The following NTM variants were observed in gnomAD, a reference collection of about 807,000 sequenced individuals.
NTM encodes neurotrimin, also known as IgLON family member 2.
A neutral mutation model predicts 42.1 loss-of-function variants in NTM; 13 were observed. That is an observed-to-expected ratio of 0.31 (90% CI 0.20 to 0.49). The LOEUF (loss-of-function observed/expected upper bound fraction) is 0.49. Among genes scored for constraint, NTM ranks in the 20% least tolerant of loss-of-function variants. The pLI, the probability that NTM is intolerant of heterozygous loss-of-function variation, is 0.99. For missense variants in NTM, 373 were observed against 452.8 expected (o/e 0.82, Z 1.60); for synonymous variants, 187 against 179.2 (o/e 1.04, Z -0.35).
chr11:131,898,872 G>A (rs963966758), intron 1 of NTM, among the ~76,000 whole-genome samples: 7 of 152,146 alleles, frequency 4.6e-5, no homozygotes, highest in South Asian at 2.1e-4. Context: ...TGAGGCCAAC[G>A]CTGTGGAGCA....
intron 1 of NTM, among the ~76,000 whole-genome samples, chr11:131,627,295 A>T (rs1239513958): frequency 6.6e-6 from 1 of 151,360 alleles, no homozygotes; most frequent in African/African-American, 2.4e-5. Flanking sequence ...ATACACTGCC[A>T]CGTTTGAGAG....
At chr11:131,793,481 T>A (rs914644828) in intron 1 of NTM, among the ~76,000 whole-genome samples, 2 of 152,186 alleles carry the variant, frequency 1.3e-5, no homozygotes, top group Admixed American at 1.3e-4. Context: ...CTCTAGCAAA[T>A]AGCAAGCATT....
At chr11:132,201,467 G>T (rs1177949660) in intron 3 of NTM, among the ~76,000 whole-genome samples, 2 of 152,170 alleles carry the variant, frequency 1.3e-5, no homozygotes, top group African/African-American at 4.8e-5. Context: ...AGCTTAACGA[G>T]GCCTTGCGGT....
At chr11:132,278,743 T>TCTCTCTCTC (rs1555063276) in intron 4 of NTM, among the ~76,000 whole-genome samples, 1 of 137,994 alleles carries the variant, frequency 7.2e-6, no homozygotes, top group African/African-American at 2.7e-5. Flanking sequence ...TCATTTGGGC[T>TCTCTCTCTC]TCTCTCTCTC....
intron 2 of NTM, among the ~76,000 whole-genome samples, chr11:132,070,830 G>A (rs2057490345): frequency 7.1e-6 from 1 of 140,714 alleles, no homozygotes; most frequent in Admixed American, 7.1e-5. Flanking sequence ...ACGTCACACA[G>A]CCAAGTTAAC....
intron 1 of NTM, among the ~76,000 whole-genome samples, chr11:131,845,354 T>C (rs1470343249): frequency 6.6e-6 from 1 of 152,098 alleles, no homozygotes. Flanking sequence ...TATTCTGGAA[T>C]GGGGTTGGAG....
chr11:131,401,824 A>ATATATATATGTG (rs1945225382), intron 1 of NTM, among the ~76,000 whole-genome samples: 6 of 64,104 alleles, frequency 9.4e-5, no homozygotes, highest in East Asian at 4.5e-4. Flanking sequence ...ATATATATAT[A>ATATATATATGTG]TATATATATA....
chr11:131,432,734 CTGTT>C (rs1948749490), intron 1 of NTM, among the ~76,000 whole-genome samples: 1 of 151,634 alleles, frequency 6.6e-6, no homozygotes, highest in South Asian at 2.1e-4. Context: ...CAGCTCTCAC[CTGTT>C]TATTTGGATA....
intron 2 of NTM, among the ~76,000 whole-genome samples, chr11:132,019,500 T>A (rs1412152898): frequency 6.6e-6 from 1 of 152,068 alleles, no homozygotes; most frequent in Non-Finnish European, 1.5e-5. Context: ...TGCTTTTAGG[T>A]ATGCATACCT....
rs544227771 is a variant in NTM, at chr11:132,051,085, T to C, written c.168-95197T>C. On this transcript the variant is annotated intron_variant, in intron 2 of 8. Coordinates refer to ENST00000683400, the MANE Select transcript of NTM (RefSeq NM_001352005.2). ...TAAGGATTTTCCCTGTGGAGTCAGA[T>C]ACATGTCAGTTTGAATTGTAACCCT... Among the ~76,000 whole-genome samples the C allele has an allele frequency of 4.9e-4, 74 of 152,348 alleles. 2 individuals are homozygous for C. In the South Asian group the frequency reaches 9.3e-3, roughly 19 times the overall value.
chr11:131,708,471 G>A (rs2076803754), intron 1 of NTM, among the ~76,000 whole-genome samples: 1 of 152,028 alleles, frequency 6.6e-6, no homozygotes, highest in Admixed American at 6.6e-5. Flanking sequence ...AAAGCAATTT[G>A]GCTGCATGAA....
chr11:131,629,412 G>T (rs1040759559), intron 1 of NTM, among the ~76,000 whole-genome samples: 10 of 152,168 alleles, frequency 6.6e-5, no homozygotes, highest in Non-Finnish European at 1.2e-4. Flanking sequence ...TGGCTGCTCA[G>T]GCCCTGGAAG....
intron 1 of NTM, among the ~76,000 whole-genome samples, chr11:131,427,959 T>C (rs943202667): frequency 2.0e-5 from 3 of 152,212 alleles, no homozygotes; most frequent in Admixed American, 6.5e-5. Context: ...CTCTTTTACA[T>C]GTCGACATAC....
intron 1 of NTM, among the ~76,000 whole-genome samples, chr11:131,403,388 A>T (rs2135702695): frequency 6.6e-6 from 1 of 152,238 alleles, no homozygotes; most frequent in South Asian, 2.1e-4. Flanking sequence ...AGACACTCTC[A>T]ACTCTCTGGT....
At chr11:131,613,242 A>T (rs1015719190) in intron 1 of NTM, among the ~76,000 whole-genome samples, 17 of 152,042 alleles carry the variant, frequency 1.1e-4, no homozygotes, top group African/African-American at 3.9e-4. Context: ...CTCATAGGCC[A>T]CTCCGACAAG....
At chr11:131,942,193 G>A (rs949477909) in intron 2 of NTM, among the ~76,000 whole-genome samples, 3 of 152,222 alleles carry the variant, frequency 2.0e-5, no homozygotes, top group Non-Finnish European at 4.4e-5. Context: ...AAAGCAGAGA[G>A]AGAGTGGATT....
chr11:132,104,945 A>G (rs11222926), intron 2 of NTM, among the ~76,000 whole-genome samples: 9,670 of 31,632 alleles, frequency 0.31, 1,689 homozygotes, highest in Middle Eastern at 0.39. Context: ...ATGTATATAT[A>G]TATATATATA....
At chr11:132,109,340 T>A (rs570006305) in intron 2 of NTM, among the ~76,000 whole-genome samples, 18 of 152,204 alleles carry the variant, frequency 1.2e-4, no homozygotes, top group African/African-American at 4.1e-4. Context: ...CATTCCCATT[T>A]CTCTACATCC....
intron 1 of NTM, among the ~76,000 whole-genome samples, chr11:131,412,665 G>A (rs747578463): frequency 7.2e-5 from 11 of 152,166 alleles, no homozygotes; most frequent in Admixed American, 1.3e-4. Context: ...GATGGCACTC[G>A]TATCTCATCT....
Sources: gnomAD v4.1 joint callset for allele counts (sites outside exome capture counted in the v4.1 genomes callset) on GRCh38, gnomAD v4.1.1 for gene constraint, MANE v1.5 for transcripts, NCBI Gene and HGNC (gene_info 2026-07-23, HGNC 2026-07-21) for gene names.